DIP2B: variants seen among roughly 807,000 people sequenced by gnomAD.
The protein encoded by DIP2B is disco-interacting protein 2 homolog B.
Under a neutral mutation model 198.0 loss-of-function variants are expected in DIP2B, and 76 were observed. That is an observed-to-expected ratio of 0.38 (90% CI 0.32 to 0.46). The LOEUF is 0.46. DIP2B is among the 20% of genes least tolerant of loss of function. DIP2B has a pLI of 0.99. For synonymous variants in DIP2B, 701 were observed against 739.1 expected, an observed-to-expected ratio of 0.95 and a Z score of 0.84; for missense variants, 1,559 against 1,978.4, an observed-to-expected ratio of 0.79 and a Z score of 4.02.
intron 5 of DIP2B, among the ~76,000 whole-genome samples, chr12:50,672,876 C>T (rs1299385049): frequency 6.6e-6 from 1 of 152,140 alleles, no homozygotes; most frequent in Non-Finnish European, 1.5e-5. Context: ...CTTTTCTTAG[C>T]AGTATGTGAT....
chr12:50,691,303 C>A (rs1437425889), intron 13 of DIP2B, 152 bp downstream of exon 13: 4 of 763,468 alleles, frequency 5.2e-6, no homozygotes, highest in South Asian at 2.1e-5. Context: ...TTCTTCTTCT[C>A]AAAAATATGC....
intron 5 of DIP2B, among the ~76,000 whole-genome samples, chr12:50,672,422 G>A (rs897049909): frequency 7.2e-5 from 11 of 152,162 alleles, no homozygotes; most frequent in African/African-American, 2.7e-4. Context: ...CTCTCCAGTC[G>A]TGGAGCAACA....
intron 30 of DIP2B, among the ~76,000 whole-genome samples, chr12:50,730,596 A>G (rs1940025045): frequency 6.6e-6 from 1 of 152,022 alleles, no homozygotes; most frequent in Non-Finnish European, 1.5e-5. Context: ...TCTATTACCC[A>G]GGCTGGTCTT....
intron 23 of DIP2B, among the ~76,000 whole-genome samples, chr12:50,717,299 C>T (rs1939742746): frequency 6.8e-6 from 1 of 147,260 alleles, no homozygotes; most frequent in Non-Finnish European, 1.5e-5. Context: ...TTTTTTGAGA[C>T]AGGGTCTTAA....
chr12:50,664,542 T>C (rs1938712047), intron 4 of DIP2B, among the ~76,000 whole-genome samples: 1 of 152,186 alleles, frequency 6.6e-6, no homozygotes. Flanking sequence ...TCTTTCTTTG[T>C]AGGGGTTCTT....
At chr12:50,650,917 A>G (rs879535782) in intron 3 of DIP2B, among the ~76,000 whole-genome samples, 2 of 152,162 alleles carry the variant, frequency 1.3e-5, no homozygotes, top group Non-Finnish European at 2.9e-5. Context: ...TCATTTTACA[A>G]TCCCACCAGT....
At chr12:50,655,090 A>G (rs773245891) in intron 3 of DIP2B, 1 of 425,908 alleles carries the variant, frequency 2.3e-6, no homozygotes, top group South Asian at 1.6e-5. Flanking sequence ...TATTTGTTGC[A>G]TTATTTTTAA....
chr12:50,663,532 G>T (rs964755564), intron 4 of DIP2B, among the ~76,000 whole-genome samples: 1 of 139,304 alleles, frequency 7.2e-6, no homozygotes, highest in Admixed American at 7.2e-5. Context: ...TTCCAGCCTG[G>T]GCAACAGAGC....
chr12:50,646,114 ATTTAT>A (rs1327221738), intron 3 of DIP2B, among the ~76,000 whole-genome samples: 13 of 151,820 alleles, frequency 8.6e-5, no homozygotes, highest in African/African-American at 2.4e-4. Context: ...ATTATTGTTT[ATTTAT>A]TTTATTTTAT....
At chr12:50,570,114 C>T (rs939515522) in intron 1 of DIP2B, among the ~76,000 whole-genome samples, 12 of 152,282 alleles carry the variant, frequency 7.9e-5, no homozygotes, top group African/African-American at 2.6e-4. Context: ...TTCTGAAAAT[C>T]AACTCTGGAA....
At chr12:50,702,935 T>A (rs868666778) in intron 19 of DIP2B, among the ~76,000 whole-genome samples, 16 of 152,148 alleles carry the variant, frequency 1.1e-4, no homozygotes, top group Admixed American at 1.3e-4. Flanking sequence ...TTTAAAAAAA[T>A]TTTTTTAAGT....
chr12:50,625,161 A>G (rs143510675), intron 1 of DIP2B, among the ~76,000 whole-genome samples: 3 of 152,186 alleles, frequency 2.0e-5, no homozygotes, highest in East Asian at 1.9e-4. Context: ...ACCTCACCAC[A>G]TATCTTTCAT....
In DIP2B at chr12:50,505,015, G is replaced by T; in HGVS notation, c.-126G>T. 3 of 972,004 alleles carry T rather than the reference G, an allele frequency of 3.1e-6. No individual in the cohort carries two copies. Among genetic ancestry groups the T allele is most frequent in the Non-Finnish European group, 4.5e-6 (3 of 662,492 alleles). 60.2% of individuals were successfully genotyped at this position (972,004 alleles called of 1,614,324 possible). ...ACCTTTGCTCATGGCGGCGGCGGCG[G>T]CGGCGGCGGTGCTGGTGGTGCTCGG... On this transcript the variant is annotated 5_prime_UTR_variant, in exon 1 of 38. Coordinates refer to ENST00000301180, the MANE Select transcript of DIP2B (RefSeq NM_173602.3).
At chr12:50,595,652 T>C (rs1256277764) in intron 1 of DIP2B, among the ~76,000 whole-genome samples, 1 of 152,210 alleles carries the variant, frequency 6.6e-6, no homozygotes, top group Non-Finnish European at 1.5e-5. Flanking sequence ...TTATATTTAA[T>C]GTGGCCATTG....
intron 35 of DIP2B, among the ~76,000 whole-genome samples, chr12:50,738,489 A>G (rs530264130): frequency 1.3e-5 from 2 of 150,414 alleles, no homozygotes; most frequent in Non-Finnish European, 3.0e-5. Context: ...ACTTCGAAAA[A>G]TTTTTTTTTT....
At chr12:50,708,959 T>C (rs1939563615) in intron 22 of DIP2B, among the ~76,000 whole-genome samples, 1 of 152,224 alleles carries the variant, frequency 6.6e-6, no homozygotes, top group Non-Finnish European at 1.5e-5. Flanking sequence ...AGCTATTAGC[T>C]TTACTCTGAA....
intron 3 of DIP2B, among the ~76,000 whole-genome samples, chr12:50,654,302 A>G (rs973257445): frequency 6.6e-5 from 10 of 152,022 alleles, no homozygotes; most frequent in Admixed American, 3.3e-4. Context: ...AAAAAAAGCC[A>G]TAAACAATGT....
At chr12:50,642,081 A>G (rs534227992) in intron 3 of DIP2B, among the ~76,000 whole-genome samples, 1 of 152,204 alleles carries the variant, frequency 6.6e-6, no homozygotes, top group East Asian at 1.9e-4. Flanking sequence ...TACTAGATAC[A>G]TATTTTCACA....
chr12:50,506,100 AAC>A (rs2139332908), intron 1 of DIP2B, among the ~76,000 whole-genome samples: 1 of 152,250 alleles, frequency 6.6e-6, no homozygotes, highest in African/African-American at 2.4e-5. Context: ...CAATGAGAGA[AAC>A]ACAGTGCTCC....
Sources: gnomAD v4.1 joint callset for allele counts (sites outside exome capture counted in the v4.1 genomes callset) on GRCh38, gnomAD v4.1.1 for gene constraint, MANE v1.5 for transcripts, NCBI Gene and HGNC (gene_info 2026-07-23, HGNC 2026-07-21) for gene names.